The following TMEM132D variants were observed in gnomAD, a reference collection of about 807,000 sequenced individuals.
TMEM132D encodes the protein mature OL transmembrane protein.
In TMEM132D, 21 loss-of-function variants were observed where a neutral mutation model predicts 62.3. The ratio of observed to expected loss-of-function variants is 0.34; its 90% CI spans 0.24 to 0.49. The LOEUF (loss-of-function observed/expected upper bound fraction) is 0.49. Ranked by LOEUF, TMEM132D falls within the 20% of genes least tolerant of loss-of-function variation. The pLI is 0.99. For missense variants in TMEM132D, 1,346 were observed against 1,402.8 expected (o/e 0.96, Z 0.65); for synonymous variants, 621 against 575.6 (o/e 1.08, Z -1.13).
chr12:129,775,801 A>T (rs1870902277), intron 1 of TMEM132D, among the ~76,000 whole-genome samples: 1 of 152,218 alleles, frequency 6.6e-6, no homozygotes, highest in African/African-American at 2.4e-5. Context: ...TTGCACAAAA[A>T]TATGCACCTG....
intron 3 of TMEM132D, among the ~76,000 whole-genome samples, chr12:129,344,218 G>C (rs932473325): frequency 1.3e-5 from 2 of 152,076 alleles, no homozygotes; most frequent in African/African-American, 4.8e-5. Flanking sequence ...ACCTCTCTTG[G>C]GGTCTGGATC....
intron 2 of TMEM132D, among the ~76,000 whole-genome samples, chr12:129,591,540 G>GTTT (rs11463425): frequency 2.9e-4 from 43 of 147,656 alleles, no homozygotes; most frequent in Admixed American, 6.7e-4. Context: ...TGGCTTTTGG[G>GTTT]TTTTTTTTTT....
intron 2 of TMEM132D, among the ~76,000 whole-genome samples, chr12:129,655,221 AC>A (rs1463023389): frequency 6.8e-6 from 1 of 146,914 alleles, no homozygotes; most frequent in Admixed American, 6.8e-5. Flanking sequence ...TGCTGGGAGT[AC>A]AGGCGTGAGC....
intron 4 of TMEM132D, among the ~76,000 whole-genome samples, chr12:129,292,702 C>T (rs747282781): frequency 6.6e-5 from 10 of 152,156 alleles, no homozygotes; most frequent in Non-Finnish European, 1.5e-4. Flanking sequence ...AAAGAAATAA[C>T]TTTTAATAGC....
intron 1 of TMEM132D, among the ~76,000 whole-genome samples, chr12:129,822,089 C>G (rs945019329): frequency 6.6e-6 from 1 of 152,102 alleles, no homozygotes; most frequent in Non-Finnish European, 1.5e-5. Context: ...ATCTGAGACA[C>G]ACGCTGGAGG....
chr12:129,278,660 G>A (rs1881061500), intron 4 of TMEM132D, among the ~76,000 whole-genome samples: 1 of 152,176 alleles, frequency 6.6e-6, no homozygotes, highest in Non-Finnish European at 1.5e-5. Context: ...ACTTCTGTGG[G>A]CTTTGGCTCT....
At chr12:129,432,416 G>C (rs1872689191) in intron 3 of TMEM132D, among the ~76,000 whole-genome samples, 1 of 152,186 alleles carries the variant, frequency 6.6e-6, no homozygotes, top group South Asian at 2.1e-4. Flanking sequence ...AGAGAAGAGT[G>C]GGTTTTTGTT....
At chr12:129,128,020 C>T (rs1447962705) in intron 5 of TMEM132D, among the ~76,000 whole-genome samples, 1 of 152,116 alleles carries the variant, frequency 6.6e-6, no homozygotes, top group African/African-American at 2.4e-5. Flanking sequence ...GAAGAGTTTC[C>T]CGGGATGTGA....
At position 129,174,154 on chromosome 12, in the gene TMEM132D, G is replaced by C. The variant is rs545021109; in HGVS notation, c.1443+35366C>G. Among the ~76,000 whole-genome samples, 2 of 152,206 alleles carry C rather than the reference G, an allele frequency of 1.3e-5. 1 individual carries two copies. Among genetic ancestry groups the C allele is most frequent in the Admixed American group, 1.3e-4 (2 of 15,294 alleles). On this transcript the variant is annotated intron_variant, in intron 5 of 8. Coordinates refer to ENST00000422113, the MANE Select transcript of TMEM132D (RefSeq NM_133448.3). ...CAGGATACATGTGCAGAACATGCAG[G>C]TTTGTTACATAGGTATATGTGTGCC...
At chr12:129,783,994 C>T (rs61943430) in intron 1 of TMEM132D, among the ~76,000 whole-genome samples, 9,069 of 152,240 alleles carry the variant, frequency 0.06, 321 homozygotes, top group East Asian at 0.1. Context: ...CCTCTTCCAG[C>T]ATTGAAGCCC....
Position 129,108,628 on chromosome 12 carries a change from C to A in TMEM132D, c.1444-23926G>T, listed in dbSNP as rs1328280890. ...CATTCAGACTCTTCTATCTCCTCTG[C>A]CAATTCTGGGGAAGCACTCCCTGGC... On this transcript the variant is annotated intron_variant, in intron 5 of 8. Transcript: ENST00000422113. 2.0e-5 allele frequency among the ~76,000 whole-genome samples: 3 copies of A among 152,234 alleles called. No individual in the cohort carries two copies. In the East Asian group the frequency reaches 5.8e-4, roughly 29 times the overall value.
chr12:129,602,071 G>A (rs997029470), intron 2 of TMEM132D, among the ~76,000 whole-genome samples: 9 of 152,044 alleles, frequency 5.9e-5, no homozygotes, highest in African/African-American at 2.2e-4. Context: ...TTTCTCATTG[G>A]AGTCCATTCA....
At chr12:129,636,737 T>TGTGTGTGTGTGTGTGTGTGAGA (rs375868329) in intron 2 of TMEM132D, among the ~76,000 whole-genome samples, 19 of 113,624 alleles carry the variant, frequency 1.7e-4, no homozygotes, top group East Asian at 2.9e-4. Context: ...TGTGTGTGTG[T>TGTGTGTGTGTGTGTGTGTGAGA]GAGAGAGAGA....
intron 3 of TMEM132D, among the ~76,000 whole-genome samples, chr12:129,473,207 C>T (rs769313018): frequency 6.6e-6 from 1 of 152,042 alleles, no homozygotes; most frequent in Non-Finnish European, 1.5e-5. Context: ...CTTCAGCTAC[C>T]ACCACCCGGA....
chr12:129,217,023 G>A (rs1879224638), intron 4 of TMEM132D, among the ~76,000 whole-genome samples: 2 of 151,870 alleles, frequency 1.3e-5, no homozygotes, highest in African/African-American at 4.8e-5. Flanking sequence ...GTTCTTTTTT[G>A]TCCCTAAAGT....
At chr12:129,669,673 C>G (rs1198225202) in intron 2 of TMEM132D, among the ~76,000 whole-genome samples, 1 of 151,900 alleles carries the variant, frequency 6.6e-6, no homozygotes, top group Non-Finnish European at 1.5e-5. Flanking sequence ...CCACTGCACT[C>G]CAGCCTGGGC....
intron 2 of TMEM132D, among the ~76,000 whole-genome samples, chr12:129,696,928 A>G (rs909116333): frequency 6.6e-6 from 1 of 152,190 alleles, no homozygotes; most frequent in Admixed American, 6.5e-5. Flanking sequence ...GGTAGAACAG[A>G]GGTTGTAAGA....
At chr12:129,571,367 C>A (rs541480891) in intron 2 of TMEM132D, among the ~76,000 whole-genome samples, 3 of 152,214 alleles carry the variant, frequency 2.0e-5, no homozygotes, top group African/African-American at 7.2e-5. Flanking sequence ...AGTTCAAGAC[C>A]AGCCTGGCCA....
chr12:129,548,842 C>T (rs571138026), intron 2 of TMEM132D, among the ~76,000 whole-genome samples: 7 of 152,342 alleles, frequency 4.6e-5, no homozygotes, highest in Admixed American at 6.5e-5. Flanking sequence ...TTTCAACAAA[C>T]GACCTCCTTT....
Sources: allele counts gnomAD v4.1 joint callset (sites outside exome capture counted in the v4.1 genomes callset), GRCh38; gene constraint gnomAD v4.1.1; transcripts MANE v1.5; gene names NCBI Gene and HGNC (gene_info 2026-07-23, HGNC 2026-07-21).